GRIP1: variants seen among roughly 807,000 people sequenced by gnomAD.
The protein encoded by GRIP1 is glutamate receptor interacting protein 1.
In GRIP1, 45 loss-of-function variants were observed where a neutral mutation model predicts 129.9. The ratio of observed to expected loss-of-function variants is 0.35; its 90% CI spans 0.27 to 0.44. The LOEUF (loss-of-function observed/expected upper bound fraction) is 0.44, where lower values mean the gene tolerates loss of function less well. Ranked by LOEUF, GRIP1 falls within the 20% of genes least tolerant of loss-of-function variation. The pLI is 1.00. For synonymous variants in GRIP1, 530 were observed against 520.8 expected (o/e 1.02, Z -0.24); for missense variants, 1,196 against 1,396.8 (o/e 0.86, Z 2.29).
At chr12:66,942,596 T>C (rs928495520) in intron 1 of GRIP1, among the ~76,000 whole-genome samples, 1 of 152,180 alleles carries the variant, frequency 6.6e-6, no homozygotes, top group African/African-American at 2.4e-5. Flanking sequence ...TCATGCAGCA[T>C]GGGTTAGTTG....
intron 5 of GRIP1, among the ~76,000 whole-genome samples, chr12:66,523,825 T>A (rs1157118710): frequency 2.7e-5 from 4 of 147,770 alleles, no homozygotes; most frequent in African/African-American, 7.3e-5. Context: ...AATAAAGGGA[T>A]GGAGGAAGAT....
intron 5 of GRIP1, among the ~76,000 whole-genome samples, chr12:66,522,104 T>A (rs1292292335): frequency 2.6e-5 from 4 of 152,196 alleles, no homozygotes; most frequent in African/African-American, 9.7e-5. Flanking sequence ...AAGACAGCAG[T>A]AACCTCTGCA....
At chr12:66,462,304 G>A (rs1324748853) in intron 9 of GRIP1, among the ~76,000 whole-genome samples, 1 of 152,140 alleles carries the variant, frequency 6.6e-6, no homozygotes, top group East Asian at 1.9e-4. Context: ...ATATTTGAAG[G>A]TTCTGCTATT....
chr12:66,387,035 T>C (rs577061010), intron 19 of GRIP1, among the ~76,000 whole-genome samples: 1 of 152,208 alleles, frequency 6.6e-6, no homozygotes, highest in South Asian at 2.1e-4. Context: ...AAATACATAA[T>C]ACATAAATCC....
At chr12:66,391,071 A>G (rs2056567330) in intron 19 of GRIP1, among the ~76,000 whole-genome samples, 1 of 151,934 alleles carries the variant, frequency 6.6e-6, no homozygotes, top group African/African-American at 2.4e-5. Context: ...TCACCAGAGG[A>G]CTTAACAGAG....
chr12:66,426,627 A>G (rs903211557), intron 14 of GRIP1, among the ~76,000 whole-genome samples: 4 of 152,004 alleles, frequency 2.6e-5, no homozygotes, highest in Non-Finnish European at 1.5e-5. Context: ...TTCTTCCTCA[A>G]GTGTCCATTT....
intron 1 of GRIP1, among the ~76,000 whole-genome samples, chr12:66,755,433 T>C (rs1262108773): frequency 6.6e-6 from 1 of 152,152 alleles, no homozygotes; most frequent in East Asian, 1.9e-4. Context: ...CACCCTAATA[T>C]CAAAGCCTTT....
At chr12:66,807,376 A>G (rs1380328129), upstream of GRIP1, among the ~76,000 whole-genome samples, 1 of 152,062 alleles carries the variant, frequency 6.6e-6, no homozygotes. Flanking sequence ...TGGCCCGTTA[A>G]AAATGTGTGG....
rs567478310 is a variant in GRIP1, at chr12:66,986,335, C to A, written c.58+82715G>T. ...CAGCCATCCCATTACTGGGTATATA[C>A]CTAAAGGACTATAAATCATGCTGCT... On this transcript the variant is annotated intron_variant, in intron 1 of 1. Transcript: ENST00000643019. Among the ~76,000 whole-genome samples the A allele has an allele frequency of 2.0e-5, 3 of 151,962 alleles. No individual in the cohort carries two copies. In the South Asian group the frequency reaches 6.2e-4, roughly 32 times the overall value.
chr12:66,574,062 T>A (rs1298139785), intron 2 of GRIP1, among the ~76,000 whole-genome samples: 2 of 152,204 alleles, frequency 1.3e-5, no homozygotes, highest in Admixed American at 1.3e-4. Flanking sequence ...GGTGAGTTGT[T>A]TTTGCTGTTC....
chr12:66,572,211 C>T (rs190219966), intron 2 of GRIP1, among the ~76,000 whole-genome samples: 17 of 152,192 alleles, frequency 1.1e-4, no homozygotes, highest in East Asian at 3.9e-4. Context: ...TGTATATCAG[C>T]GGCAAGATCT....
intron 1 of GRIP1, among the ~76,000 whole-genome samples, chr12:66,946,967 C>T (rs1405139893): frequency 3.3e-5 from 5 of 151,776 alleles, no homozygotes; most frequent in African/African-American, 7.3e-5. Context: ...TTGCTCGACC[C>T]CAGGAGGCGG....
At chr12:66,497,389 A>C (rs1195873588) in intron 7 of GRIP1, among the ~76,000 whole-genome samples, 2 of 152,180 alleles carry the variant, frequency 1.3e-5, no homozygotes, top group African/African-American at 4.8e-5. Flanking sequence ...GCTGGTAAAG[A>C]ATGTGTGGAG....
chr12:66,457,600 T>G (rs938599233), intron 9 of GRIP1, among the ~76,000 whole-genome samples: 1 of 152,192 alleles, frequency 6.6e-6, no homozygotes, highest in South Asian at 2.1e-4. Flanking sequence ...ATGATTTTGG[T>G]GTTAGGTGTC....
intron 1 of GRIP1, among the ~76,000 whole-genome samples, chr12:66,762,822 G>A (rs2037516529): frequency 6.6e-6 from 1 of 152,174 alleles, no homozygotes; most frequent in Non-Finnish European, 1.5e-5. Flanking sequence ...CAGTGGTTAC[G>A]CAGATTGATT....
intron 1 of GRIP1, among the ~76,000 whole-genome samples, chr12:66,684,835 ACT>A (rs1311105695): frequency 2.0e-5 from 3 of 152,110 alleles, no homozygotes; most frequent in East Asian, 1.9e-4. Context: ...ACAGAGCAAG[ACT>A]CTGTCGAAAT....
intron 16 of GRIP1, among the ~76,000 whole-genome samples, chr12:66,395,306 G>C (rs759431332): frequency 1.3e-5 from 2 of 152,178 alleles, no homozygotes; most frequent in African/African-American, 4.8e-5. Context: ...GCTGTGAATG[G>C]TTAAGGAACT....
chr12:66,931,362 C>T (rs1013109883), intron 1 of GRIP1, among the ~76,000 whole-genome samples: 1 of 152,140 alleles, frequency 6.6e-6, no homozygotes, highest in Non-Finnish European at 1.5e-5. Context: ...TTAGGAGGCC[C>T]CTGACATCCT....
intron 1 of GRIP1, among the ~76,000 whole-genome samples, chr12:66,766,849 C>T (rs2037656187): frequency 6.6e-6 from 1 of 152,188 alleles, no homozygotes; most frequent in African/African-American, 2.4e-5. Flanking sequence ...ATATTCCCAG[C>T]AAGTGAAGTG....
Sources: allele counts gnomAD v4.1 joint callset (sites outside exome capture counted in the v4.1 genomes callset), GRCh38; gene constraint gnomAD v4.1.1; transcripts MANE v1.5; gene names NCBI Gene and HGNC (gene_info 2026-07-23, HGNC 2026-07-21).